LINGO2: variants seen among roughly 807,000 people sequenced by gnomAD.
LINGO2 encodes the protein leucine-rich repeat and immunoglobulin-like domain-containing nogo receptor-interacting protein 2.
Under a neutral mutation model 30.6 loss-of-function variants are expected in LINGO2, and 14 were observed. That is an observed-to-expected ratio of 0.46 (90% CI 0.30 to 0.72). The LOEUF (loss-of-function observed/expected upper bound fraction) is 0.72. LINGO2 is among the 30% of genes least tolerant of loss of function. The pLI is 0.07. For missense variants in LINGO2, 729 were observed against 751.7 expected, an observed-to-expected ratio of 0.97 and a Z score of 0.35; for synonymous variants, 317 against 288.5, an observed-to-expected ratio of 1.10 and a Z score of -1.00.
chr9:28,684,150 T>C, the LINGO2 span, among the ~76,000 whole-genome samples: 207 of 150,298 alleles, frequency 1.4e-3, 1 homozygote, highest in Non-Finnish European at 2.2e-3. Context: ...TATTTTCAGT[T>C]TAGACCAGGT....
At chr9:28,150,027 G>A (rs368556757) in intron 4 of LINGO2, among the ~76,000 whole-genome samples, 159 of 150,458 alleles carry the variant, frequency 1.1e-3, no homozygotes, top group Middle Eastern at 7.0e-3. Flanking sequence ...GCCTCTGCCC[G>A]GCCTCCTCAC....
chr9:27,991,460 G>T (rs1587632349), intron 5 of LINGO2, among the ~76,000 whole-genome samples: 2 of 152,024 alleles, frequency 1.3e-5, no homozygotes, highest in African/African-American at 4.8e-5. Flanking sequence ...CAGTTCAGAG[G>T]TTCGCCAGGG....
chr9:29,108,238 C>G, the LINGO2 span, among the ~76,000 whole-genome samples: 1 of 152,054 alleles, frequency 6.6e-6, no homozygotes, highest in African/African-American at 2.4e-5. Context: ...ATAATATAAA[C>G]AAGAGATACA....
At chr9:28,218,354 G>A (rs1820842713) in intron 4 of LINGO2, among the ~76,000 whole-genome samples, 1 of 151,400 alleles carries the variant, frequency 6.6e-6, no homozygotes, top group Non-Finnish European at 1.5e-5. Flanking sequence ...AGTTAAGTAT[G>A]CACTTACGAA....
the LINGO2 span, among the ~76,000 whole-genome samples, chr9:29,014,472 T>A: frequency 6.6e-6 from 1 of 152,068 alleles, no homozygotes; most frequent in South Asian, 2.1e-4. Context: ...CAAAACACTT[T>A]TAGATGTATC....
At chr9:28,342,087 T>C (rs77400139) in intron 3 of LINGO2, among the ~76,000 whole-genome samples, 1 of 152,140 alleles carries the variant, frequency 6.6e-6, no homozygotes, top group Non-Finnish European at 1.5e-5. Flanking sequence ...AGGGACCGTA[T>C]GTTAACTCTC....
intron 5 of LINGO2, among the ~76,000 whole-genome samples, chr9:27,979,153 G>T (rs1299408676): frequency 1.3e-5 from 2 of 151,932 alleles, no homozygotes; most frequent in African/African-American, 4.8e-5. Context: ...AGTGGGAATG[G>T]CCACCTGAAG....
the LINGO2 span, among the ~76,000 whole-genome samples, chr9:29,099,759 G>GC: frequency 6.6e-6 from 1 of 152,112 alleles, no homozygotes; most frequent in East Asian, 1.9e-4. Context: ...GTGGAGAAAA[G>GC]GCAACATCAT....
chr9:28,756,362 A>C, the LINGO2 span, among the ~76,000 whole-genome samples: 1 of 151,968 alleles, frequency 6.6e-6, no homozygotes. Context: ...TCTTGTAAGT[A>C]ATTAACCTGC....
the LINGO2 span, among the ~76,000 whole-genome samples, chr9:28,824,299 C>A: frequency 6.6e-6 from 1 of 152,156 alleles, no homozygotes; most frequent in East Asian, 1.9e-4. Flanking sequence ...TGTTTCTAGA[C>A]CCTGAGTAAA....
At chr9:28,849,954 T>C in the LINGO2 span, among the ~76,000 whole-genome samples, 1 of 152,064 alleles carries the variant, frequency 6.6e-6, no homozygotes, top group African/African-American at 2.4e-5. Flanking sequence ...ATATTTTGTC[T>C]GGCCTAATAC....
At chr9:27,955,792 T>C (rs1563853481) in intron 5 of LINGO2, among the ~76,000 whole-genome samples, 1 of 152,114 alleles carries the variant, frequency 6.6e-6, no homozygotes, top group East Asian at 1.9e-4. Flanking sequence ...TAGAAATATA[T>C]ACCTATATAT....
chr9:29,111,327 C>T, the LINGO2 span, among the ~76,000 whole-genome samples: 1 of 152,094 alleles, frequency 6.6e-6, no homozygotes, highest in Admixed American at 6.6e-5. Flanking sequence ...CACTGAATAA[C>T]AGGTTGTTAT....
At chr9:28,252,403 C>G (rs1822235275) in intron 4 of LINGO2, among the ~76,000 whole-genome samples, 1 of 151,864 alleles carries the variant, frequency 6.6e-6, no homozygotes, top group South Asian at 2.1e-4. Flanking sequence ...TTTGTGTATT[C>G]TTTAGTAGAG....
chr9:28,340,019 G>A (rs375082933), intron 3 of LINGO2, among the ~76,000 whole-genome samples: 4 of 152,256 alleles, frequency 2.6e-5, no homozygotes, highest in South Asian at 4.1e-4. Context: ...CCTTCAAGAA[G>A]AGTCTGGTCT....
the LINGO2 span, among the ~76,000 whole-genome samples, chr9:29,076,698 G>T: frequency 6.7e-6 from 1 of 150,364 alleles, no homozygotes; most frequent in African/African-American, 2.4e-5. Context: ...ACAACGTAAG[G>T]GACAGGGTTA....
At chr9:28,791,383 T>G in the LINGO2 span, among the ~76,000 whole-genome samples, 1 of 152,064 alleles carries the variant, frequency 6.6e-6, no homozygotes, top group Non-Finnish European at 1.5e-5. Flanking sequence ...ACCTTTTATA[T>G]TTAATAATAA....
intron 1 of LINGO2, among the ~76,000 whole-genome samples, chr9:28,636,714 G>T (rs557893000): frequency 1.3e-5 from 2 of 152,192 alleles, no homozygotes; most frequent in African/African-American, 4.8e-5. Context: ...GTAGATTCTG[G>T]ATATTAGTGC....
chr9:29,096,516 C>G, the LINGO2 span, among the ~76,000 whole-genome samples: 12 of 139,514 alleles, frequency 8.6e-5, 1 homozygote, highest in African/African-American at 3.2e-4. Context: ...AAATTCCTGA[C>G]CCCAAGTGAT....
Sources: allele counts gnomAD v4.1 joint callset (sites outside exome capture counted in the v4.1 genomes callset), GRCh38; gene constraint gnomAD v4.1.1; transcripts MANE v1.5; gene names NCBI Gene and HGNC (gene_info 2026-07-23, HGNC 2026-07-21).